WDR7: variants seen among roughly 807,000 people sequenced by gnomAD.
WDR7 encodes the protein WD repeat domain 7, also known as WD repeat-containing protein 7.
A neutral mutation model predicts 169.4 loss-of-function variants in WDR7; 46 were observed. That is an observed-to-expected ratio of 0.27 (90% CI 0.21 to 0.35). WDR7 has a LOEUF of 0.35. WDR7 is among the 10% of genes least tolerant of loss of function. The pLI is 1.00. For missense variants in WDR7, 1,534 were observed against 1,859.3 expected (o/e 0.83, Z 3.22); for synonymous variants, 612 against 666.8 (o/e 0.92, Z 1.27).
At chr18:56,871,164 A>G (rs919918404) in intron 20 of WDR7, among the ~76,000 whole-genome samples, 10 of 152,186 alleles carry the variant, frequency 6.6e-5, no homozygotes, top group Admixed American at 5.2e-4. Flanking sequence ...GACATTGTAC[A>G]TAGTAAATCG....
At chr18:56,863,239 G>A (rs1420051372) in intron 20 of WDR7, among the ~76,000 whole-genome samples, 1 of 151,570 alleles carries the variant, frequency 6.6e-6, no homozygotes, top group Non-Finnish European at 1.5e-5. Context: ...TAAAAATAAG[G>A]CTAAATTTAA....
chr18:56,875,681 T>A (rs908883051), intron 20 of WDR7, among the ~76,000 whole-genome samples: 5 of 152,230 alleles, frequency 3.3e-5, no homozygotes, highest in Non-Finnish European at 2.9e-5. Flanking sequence ...GTTTTTTCGA[T>A]CCAGAAAGTT....
At chr18:56,968,226 G>A (rs977047918) in intron 26 of WDR7, among the ~76,000 whole-genome samples, 4 of 152,066 alleles carry the variant, frequency 2.6e-5, no homozygotes, top group Admixed American at 6.5e-5. Flanking sequence ...TAAAGAACCT[G>A]TTCTTAAAGC....
intron 1 of WDR7, among the ~76,000 whole-genome samples, chr18:56,652,259 G>A (rs146903817): frequency 9.7e-4 from 148 of 152,292 alleles, no homozygotes; most frequent in African/African-American, 3.5e-3. Flanking sequence ...GGAACCTACC[G>A]TCGCATGACA....
At chr18:56,841,453 G>A (rs2145327412) in intron 20 of WDR7, among the ~76,000 whole-genome samples, 1 of 150,364 alleles carries the variant, frequency 6.7e-6, no homozygotes, top group East Asian at 2.0e-4. Flanking sequence ...CTGCTTGGGA[G>A]GAGAATTGCT....
intron 20 of WDR7, among the ~76,000 whole-genome samples, chr18:56,857,348 C>T (rs1417907679): frequency 6.6e-6 from 1 of 152,060 alleles, no homozygotes; most frequent in Non-Finnish European, 1.5e-5. Flanking sequence ...TGTCCTCAAC[C>T]TCCTGGCTCA....
intron 25 of WDR7, among the ~76,000 whole-genome samples, chr18:56,950,035 C>T (rs73444808): frequency 0.12 from 18,101 of 152,078 alleles, 3,495 homozygotes; most frequent in African/African-American, 0.41. Flanking sequence ...AAAGTATCTC[C>T]CAAATAACTG....
chr18:56,960,915 A>G (rs1268274921), intron 25 of WDR7, among the ~76,000 whole-genome samples: 1 of 151,988 alleles, frequency 6.6e-6, no homozygotes, highest in Non-Finnish European at 1.5e-5. Flanking sequence ...GGACAGTGCC[A>G]TTCATGAGCA....
At chr18:56,909,731 T>C (rs1164660892) in intron 21 of WDR7, among the ~76,000 whole-genome samples, 1 of 152,174 alleles carries the variant, frequency 6.6e-6, no homozygotes, top group Admixed American at 6.5e-5. Context: ...TTCTTTCACC[T>C]TTTATTAAAA....
At chr18:56,678,401 G>A (rs2025286072) in intron 2 of WDR7, among the ~76,000 whole-genome samples, 1 of 152,110 alleles carries the variant, frequency 6.6e-6, no homozygotes, top group African/African-American at 2.4e-5. Flanking sequence ...GGACTTGTTT[G>A]TACCTGTCCT....
intron 21 of WDR7, among the ~76,000 whole-genome samples, chr18:56,881,976 G>A (rs2046114801): frequency 6.6e-6 from 1 of 152,156 alleles, no homozygotes; most frequent in African/African-American, 2.4e-5. Context: ...AAGTGACTCA[G>A]CCAAAAAGTA....
At chr18:56,775,406 A>G (rs2044226802) in intron 16 of WDR7, among the ~76,000 whole-genome samples, 1 of 152,158 alleles carries the variant, frequency 6.6e-6, no homozygotes, top group African/African-American at 2.4e-5. Context: ...TAATCACTGA[A>G]TTTGTAATTA....
chr18:56,867,014 T>C (rs1005870103), intron 20 of WDR7, among the ~76,000 whole-genome samples: 25 of 128,308 alleles, frequency 1.9e-4, no homozygotes, highest in East Asian at 6.3e-4. Context: ...TACTTACTTA[T>C]TTATTTATTT....
intron 21 of WDR7, among the ~76,000 whole-genome samples, chr18:56,905,128 A>T (rs74254801): frequency 2.0e-5 from 3 of 152,224 alleles, no homozygotes; most frequent in East Asian, 3.9e-4. Flanking sequence ...CTTTATGATT[A>T]TAGACAATTT....
At chr18:56,676,136 G>A (rs2025239321) in intron 2 of WDR7, among the ~76,000 whole-genome samples, 1 of 152,050 alleles carries the variant, frequency 6.6e-6, no homozygotes, top group African/African-American at 2.4e-5. Context: ...GACTTTCTCT[G>A]TCTCTTCTTA....
intron 12 of WDR7, among the ~76,000 whole-genome samples, chr18:56,699,056 T>C (rs1229807285): frequency 2.0e-5 from 3 of 152,060 alleles, no homozygotes. Context: ...ATTGAAATTA[T>C]AAAAAGGAAA....
chr18:57,016,335 G>A (rs1441209984), intron 26 of WDR7, among the ~76,000 whole-genome samples: 3 of 152,010 alleles, frequency 2.0e-5, no homozygotes, highest in Non-Finnish European at 4.4e-5. Context: ...TCTTTTCCTT[G>A]TGCTGGTATT....
chr18:56,923,663 G>T (rs2046760005), intron 21 of WDR7, among the ~76,000 whole-genome samples: 1 of 152,116 alleles, frequency 6.6e-6, no homozygotes, highest in African/African-American at 2.4e-5. Context: ...GATATGTTTT[G>T]AAATTATATA....
intron 22 of WDR7, among the ~76,000 whole-genome samples, chr18:56,927,779 A>G (rs556187554): frequency 6.6e-6 from 1 of 152,352 alleles, no homozygotes; most frequent in East Asian, 1.9e-4. Flanking sequence ...TATAATTAAT[A>G]TGTGAAAAGA....
Sources: allele counts gnomAD v4.1 joint callset (sites outside exome capture counted in the v4.1 genomes callset), GRCh38; gene constraint gnomAD v4.1.1; transcripts MANE v1.5; gene names NCBI Gene and HGNC (gene_info 2026-07-23, HGNC 2026-07-21).